Variants in SPSB1 observed in about 807,000 individuals in gnomAD.
SPSB1 encodes SPRY domain-containing SOCS box protein 1.
SPSB1 carries 8 observed loss-of-function variants against 21.2 expected under a neutral mutation model. That is an observed-to-expected ratio of 0.38 (90% CI 0.22 to 0.68). The LOEUF is 0.68. Ranked by LOEUF, SPSB1 falls within the 30% of genes least tolerant of loss-of-function variation. The pLI is 0.53. For synonymous variants in SPSB1, 169 were observed against 161.7 expected (o/e 1.05, Z -0.34); for missense variants, 242 against 377.8 (o/e 0.64, Z 2.98).
At chr1:9,353,592 C>A (rs1312363868) in intron 1 of SPSB1, among the ~76,000 whole-genome samples, 1 of 152,180 alleles carries the variant, frequency 6.6e-6, no homozygotes, top group Non-Finnish European at 1.5e-5. Context: ...TCCTGCCCTG[C>A]TCTGAAGAGA....
At position 9,331,552 on chromosome 1, in the gene SPSB1, G is replaced by C. The variant is rs188569401; in HGVS notation, c.-149-24191G>C. ...TCATCATGTTGACCAGGCTGGTCTT[G>C]AACTCCTGACCTCAGTTGATCCACT... On this transcript the variant is annotated intron_variant, in intron 1 of 2. Coordinates refer to ENST00000328089, the MANE Select transcript of SPSB1 (RefSeq NM_025106.4). 4.3e-4 allele frequency among the ~76,000 whole-genome samples: 65 copies of C among 152,122 alleles called. No homozygotes were observed. The South Asian group carries it at 6.9e-3, about 16-fold the overall frequency.
intron 1 of SPSB1, among the ~76,000 whole-genome samples, chr1:9,354,936 C>T (rs879192681): frequency 1.3e-5 from 2 of 152,104 alleles, no homozygotes; most frequent in Admixed American, 6.5e-5. Context: ...AGAGAGGGAA[C>T]GAGGCATCCT....
Position 9,364,172 on chromosome 1 carries a change from C to T in SPSB1, c.695-3276C>T, listed in dbSNP as rs370511966. Among the ~76,000 whole-genome samples the T allele has an allele frequency of 9.3e-4, 141 of 152,368 alleles. 2 individuals carry two copies. In the Middle Eastern group the frequency reaches 0.01, roughly 11 times the overall value. ...CACGAGGGAGAGCCCCTCCACTTTC[C>T]GGCGGGGGCTGAGCCACATTCTCCC... On this transcript the variant is annotated intron_variant, in intron 2 of 2. Coordinates refer to ENST00000328089, the MANE Select transcript of SPSB1 (RefSeq NM_025106.4).
At chr1:9,314,383 A>G (rs899973962) in intron 1 of SPSB1, among the ~76,000 whole-genome samples, 1 of 151,872 alleles carries the variant, frequency 6.6e-6, no homozygotes, top group Non-Finnish European at 1.5e-5. Context: ...GCGAGCAGCT[A>G]TCCTGGTACC....
At chr1:9,334,632 G>A (rs1335101148) in intron 1 of SPSB1, among the ~76,000 whole-genome samples, 2 of 152,012 alleles carry the variant, frequency 1.3e-5, no homozygotes, top group African/African-American at 2.4e-5. Flanking sequence ...CTTCCCCAAC[G>A]GAAACTCTGT....
chr1:9,361,480 G>A (rs1306740797), intron 2 of SPSB1, among the ~76,000 whole-genome samples: 2 of 152,194 alleles, frequency 1.3e-5, no homozygotes, highest in Admixed American at 6.5e-5. Flanking sequence ...GCCTGCGTGT[G>A]TGCCTTCCCG....
chr1:9,307,219 T>A (rs765675727), intron 1 of SPSB1, among the ~76,000 whole-genome samples: 1 of 152,228 alleles, frequency 6.6e-6, no homozygotes, highest in South Asian at 2.1e-4. Flanking sequence ...TGAGCCACTG[T>A]GCCTGGCCGT....
In SPSB1 at chr1:9,308,290, T is replaced by G. The variant is rs112928691; in HGVS notation, c.-150+15219T>G. 9.2e-3 allele frequency among the ~76,000 whole-genome samples: 1,403 copies of G among 152,288 alleles called. 21 individuals are homozygous for G. Among genetic ancestry groups the G allele is most frequent in the African/African-American group, 0.031 (1,272 of 41,558 alleles). On this transcript the variant is annotated intron_variant, in intron 1 of 2. Transcript: ENST00000328089. Reference sequence around the variant, plus strand: ...CACCTAGCAAGGGGGCCATTTGCCCTGGGCCCATCCTTGGTGGGGTCATGG... The same window carrying G: ...CACCTAGCAAGGGGGCCATTTGCCCGGGGCCCATCCTTGGTGGGGTCATGG...
intron 1 of SPSB1, among the ~76,000 whole-genome samples, chr1:9,315,081 C>A (rs563876610): frequency 6.6e-6 from 1 of 152,230 alleles, no homozygotes; most frequent in African/African-American, 2.4e-5. Context: ...GTTTAAAATA[C>A]AACATCTTGT....
In SPSB1 at chr1:9,354,142, C is replaced by T. The variant is rs574680524; in HGVS notation, c.-149-1601C>T. Among the ~76,000 whole-genome samples the T allele has an allele frequency of 8.0e-4, 122 of 152,298 alleles. 4 individuals carry two copies. The South Asian group carries it at 0.024, about 31-fold the overall frequency. ...GCCAGCCCCACTGCAGAGCCTGGCC[C>T]TGGCTGGCCCCATACTGAAGGGGGA... On this transcript the variant is annotated intron_variant, in intron 1 of 2. Transcript: ENST00000328089.
At chr1:9,334,329 G>T (rs998779809) in intron 1 of SPSB1, among the ~76,000 whole-genome samples, 1 of 151,910 alleles carries the variant, frequency 6.6e-6, no homozygotes, top group African/African-American at 2.4e-5. Context: ...CAGGTGATCC[G>T]CCCGCCTCAA....
At chr1:9,297,665 C>G (rs11121365) in intron 1 of SPSB1, among the ~76,000 whole-genome samples, 14,511 of 152,120 alleles carry the variant, frequency 0.095, 859 homozygotes, top group East Asian at 0.13. Context: ...AAGAAGAGAT[C>G]TGTTTGGTTG....
At chr1:9,328,776 C>A (rs1290267549) in intron 1 of SPSB1, among the ~76,000 whole-genome samples, 8 of 152,334 alleles carry the variant, frequency 5.3e-5, no homozygotes, top group African/African-American at 1.7e-4. Flanking sequence ...TCACTCTGCG[C>A]TGGGGCTTCC....
rs1427789837 is a variant in SPSB1, at chr1:9,367,250, C to T, written c.695-198C>T. On this transcript the variant is annotated intron_variant, in intron 2 of 2. Coordinates refer to ENST00000328089, the MANE Select transcript of SPSB1 (RefSeq NM_025106.4). The surrounding 1 kb of genome is among the most constrained non-coding windows in gnomAD (Gnocchi z 5.9). ...AATGAGTGTTAGCAGAGGGCTCGCCCAGGTGCCCAGCCCAGGGTGGGCTCC... is the reference window on the plus strand; with the variant it reads ...AATGAGTGTTAGCAGAGGGCTCGCCTAGGTGCCCAGCCCAGGGTGGGCTCC... Among the ~76,000 whole-genome samples the T allele has an allele frequency of 6.6e-6, 1 of 152,216 alleles. No homozygotes were observed. The highest frequency in any genetic ancestry group is 6.5e-5 in the Admixed American group (1 of 15,288).
At position 9,346,460 on chromosome 1, in the gene SPSB1, C is replaced by T. The variant is rs1322289069; in HGVS notation, c.-149-9283C>T. On this transcript the variant is annotated intron_variant, in intron 1 of 2. Transcript: ENST00000328089. The surrounding 1 kb of genome is among the most constrained non-coding windows in gnomAD (Gnocchi z 4.4). Reference sequence around the variant, plus strand: ...CTGTCCCCAGTCGCTTTGGCTACATCCCCAAAAGAGGGTGTAGCCGTTCCT... The same window carrying T: ...CTGTCCCCAGTCGCTTTGGCTACATTCCCAAAAGAGGGTGTAGCCGTTCCT... Among the ~76,000 whole-genome samples the T allele has an allele frequency of 1.3e-5, 2 of 152,070 alleles. No homozygotes were observed. The highest frequency in any genetic ancestry group is 2.1e-4 in the South Asian group (1 of 4,776).
At chr1:9,298,910 G>A (rs182940000) in intron 1 of SPSB1, among the ~76,000 whole-genome samples, 4 of 152,298 alleles carry the variant, frequency 2.6e-5, no homozygotes, top group South Asian at 2.1e-4. Context: ...AACCATTAGC[G>A]TTGCCTCTGC....
At chr1:9,297,895 G>T (rs974357389) in intron 1 of SPSB1, among the ~76,000 whole-genome samples, 1 of 152,198 alleles carries the variant, frequency 6.6e-6, no homozygotes, top group East Asian at 1.9e-4. Context: ...TCACGCATAC[G>T]TTGAGAAATA....
intron 1 of SPSB1, among the ~76,000 whole-genome samples, chr1:9,328,429 T>C (rs1013051066): frequency 2.0e-5 from 3 of 152,198 alleles, no homozygotes; most frequent in African/African-American, 7.2e-5. Context: ...TGTGACTCTC[T>C]AGGAGGGGAT....
At position 9,356,254 on chromosome 1, in the gene SPSB1, C is replaced by T. The variant is rs768697705; in HGVS notation, c.363C>T (p.Asp121=). ...THAVVGVATA[D]APLHSVGYTT... ...CCGTGGTGGGGGTGGCGACGGCAGACGCCCCCCTGCACTCTGTCGGGTACA... is the reference window on the plus strand; with the variant it reads ...CCGTGGTGGGGGTGGCGACGGCAGATGCCCCCCTGCACTCTGTCGGGTACA... The change falls in exon 2 of 3, where the codon GAC becomes GAT. Residue 121 remains aspartate (D), a synonymous_variant. Transcript: ENST00000328089. This position sits in a 1 kb window ranked among gnomAD's most constrained non-coding sequence, Gnocchi z 7.4. 2.1e-5 allele frequency: 33 copies of T among 1,608,982 alleles called. No individual in the cohort carries two copies. Among genetic ancestry groups the T allele is most frequent in the South Asian group, 6.6e-5 (6 of 90,794 alleles).
Sources: allele counts gnomAD v4.1 joint callset (sites outside exome capture counted in the v4.1 genomes callset), GRCh38; gene constraint gnomAD v4.1.1; non-coding constraint Gnocchi (gnomAD v3.1); transcripts MANE v1.5; gene names NCBI Gene and HGNC (gene_info 2026-07-23, HGNC 2026-07-21).